Variants in HS3ST4 observed in about 807,000 individuals in gnomAD.
HS3ST4 encodes the protein heparan sulfate-glucosamine 3-sulfotransferase 4, also known as heparan sulfate glucosamine 3-O-sulfotransferase 4.
In HS3ST4, 17 loss-of-function variants were observed where a neutral mutation model predicts 29.2. That is an observed-to-expected ratio of 0.58 (90% confidence interval 0.40 to 0.87). The LOEUF (loss-of-function observed/expected upper bound fraction) is 0.87. Ranked by LOEUF, HS3ST4 falls within the 40% of genes least tolerant of loss-of-function variation. The pLI, the probability that HS3ST4 is intolerant of heterozygous loss-of-function variation, is 0.00. For missense variants in HS3ST4, 627 were observed against 634.5 expected, an observed-to-expected ratio of 0.99 and a Z score of 0.13; for synonymous variants, 314 against 285.7, an observed-to-expected ratio of 1.10 and a Z score of -1.00.
intron 1 of HS3ST4, among the ~76,000 whole-genome samples, chr16:25,781,828 G>A (rs1469051140): frequency 6.6e-6 from 1 of 152,108 alleles, no homozygotes; most frequent in Admixed American, 6.5e-5. Context: ...TTCTCTTTCG[G>A]GTGGTTGTGT....
intron 1 of HS3ST4, among the ~76,000 whole-genome samples, chr16:26,014,608 T>C (rs1969344846): frequency 6.6e-6 from 1 of 152,226 alleles, no homozygotes; most frequent in Non-Finnish European, 1.5e-5. Context: ...CATTTTCTGC[T>C]CCTACTTTAG....
intron 1 of HS3ST4, among the ~76,000 whole-genome samples, chr16:25,741,438 A>G (rs959331141): frequency 6.7e-6 from 1 of 150,244 alleles, no homozygotes. Flanking sequence ...AGGATTATAC[A>G]TAACTGTACA....
At chr16:25,898,038 G>T (rs950099983) in intron 1 of HS3ST4, among the ~76,000 whole-genome samples, 3 of 152,264 alleles carry the variant, frequency 2.0e-5, no homozygotes, top group Middle Eastern at 3.4e-3. Flanking sequence ...ACAGTGAGCC[G>T]CCTGGGACTC....
At chr16:25,885,659 C>G (rs1037169933) in intron 1 of HS3ST4, among the ~76,000 whole-genome samples, 2 of 152,004 alleles carry the variant, frequency 1.3e-5, no homozygotes, top group African/African-American at 4.8e-5. Flanking sequence ...CATATCCAAG[C>G]ACCAGCTGTG....
At chr16:26,115,133 T>C (rs1276680645) in intron 1 of HS3ST4, among the ~76,000 whole-genome samples, 1 of 152,032 alleles carries the variant, frequency 6.6e-6, no homozygotes, top group Non-Finnish European at 1.5e-5. Flanking sequence ...AGTATGATAA[T>C]ATTTGTGTCA....
intron 1 of HS3ST4, among the ~76,000 whole-genome samples, chr16:25,733,843 A>C (rs898709525): frequency 6.6e-6 from 1 of 152,132 alleles, no homozygotes; most frequent in African/African-American, 2.4e-5. Flanking sequence ...TGGGTGCCGG[A>C]CGCAGTGGCT....
intron 1 of HS3ST4, among the ~76,000 whole-genome samples, chr16:26,107,789 C>T (rs943994494): frequency 3.3e-5 from 5 of 152,104 alleles, no homozygotes; most frequent in African/African-American, 4.8e-5. Flanking sequence ...ATTCACTCAT[C>T]GGTTGATAGG....
chr16:25,803,075 CTT>C (rs992769340), intron 1 of HS3ST4, among the ~76,000 whole-genome samples: 2 of 151,092 alleles, frequency 1.3e-5, no homozygotes, highest in African/African-American at 4.9e-5. Context: ...ATGTATTTCT[CTT>C]TTTCTGTCTC....
At chr16:26,092,168 G>C (rs565914317) in intron 1 of HS3ST4, among the ~76,000 whole-genome samples, 3 of 152,168 alleles carry the variant, frequency 2.0e-5, no homozygotes, top group African/African-American at 7.2e-5. Context: ...TCCTCCTGAG[G>C]CACTGTTCAA....
At chr16:26,023,396 T>A (rs1969435349) in intron 1 of HS3ST4, among the ~76,000 whole-genome samples, 1 of 150,136 alleles carries the variant, frequency 6.7e-6, no homozygotes, top group Non-Finnish European at 1.5e-5. Context: ...AACAATTTTT[T>A]ACTGTCTTAA....
intron 1 of HS3ST4, among the ~76,000 whole-genome samples, chr16:25,716,444 G>C (rs565704728): frequency 6.6e-6 from 1 of 152,366 alleles, no homozygotes; most frequent in South Asian, 2.1e-4. Flanking sequence ...CCTCTTTGCT[G>C]TTGGTGAAAG....
chr16:25,924,039 C>G lies in HS3ST4; in HGVS notation c.735-211573C>G, dbSNP rs144646650. Among the ~76,000 whole-genome samples the G allele has an allele frequency of 1.1e-4, 17 of 152,316 alleles. No homozygotes were observed. In the East Asian group the frequency reaches 3.3e-3, roughly 29 times the overall value. Reference sequence around the variant, plus strand: ...TTCAAATGCTTACTTGACATCTTCACTTGGCTATTTTAAATTCACCTTGCA... The same window carrying G: ...TTCAAATGCTTACTTGACATCTTCAGTTGGCTATTTTAAATTCACCTTGCA... On this transcript the variant is annotated intron_variant, in intron 1 of 1. Coordinates refer to ENST00000331351, the MANE Select transcript of HS3ST4 (RefSeq NM_006040.3).
intron 1 of HS3ST4, among the ~76,000 whole-genome samples, chr16:25,848,460 A>ATT (rs11454037): frequency 0.058 from 8,666 of 149,450 alleles, 359 homozygotes; most frequent in East Asian, 0.2. Context: ...CGAAAAAATA[A>ATT]TTTTTTTTTT....
intron 1 of HS3ST4, chr16:25,933,510 G>T (rs1237666969): frequency 1.4e-5 from 6 of 439,046 alleles, no homozygotes; most frequent in Non-Finnish European, 2.7e-5. Flanking sequence ...GCGAGAGTAG[G>T]CCTCTCTTTA....
intron 1 of HS3ST4, among the ~76,000 whole-genome samples, chr16:25,967,445 C>T (rs551994790): frequency 7.2e-5 from 11 of 152,264 alleles, no homozygotes; most frequent in Non-Finnish European, 1.2e-4. Context: ...TGAGCCACCG[C>T]GCCTGGCCTA....
chr16:25,801,173 G>A (rs575125788), intron 1 of HS3ST4, among the ~76,000 whole-genome samples: 4 of 152,010 alleles, frequency 2.6e-5, no homozygotes, highest in East Asian at 1.9e-4. Flanking sequence ...TGTTATATAC[G>A]CACACAGACA....
intron 1 of HS3ST4, among the ~76,000 whole-genome samples, chr16:26,087,454 A>T (rs1290961426): frequency 6.6e-6 from 1 of 152,148 alleles, no homozygotes; most frequent in South Asian, 2.1e-4. Flanking sequence ...GGAACCAAGG[A>T]ACACCTGGCA....
chr16:25,873,475 TATCTCTC>T (rs879308904), intron 1 of HS3ST4, among the ~76,000 whole-genome samples: 8,774 of 38,016 alleles, frequency 0.23, 386 homozygotes, highest in African/African-American at 0.25. Context: ...CCCATCCATC[TATCTCTC>T]TATCTATCTA....
intron 1 of HS3ST4, among the ~76,000 whole-genome samples, chr16:25,983,481 T>C (rs1040689541): frequency 2.0e-5 from 3 of 152,226 alleles, no homozygotes; most frequent in African/African-American, 7.2e-5. Context: ...TCCTCTCTCC[T>C]GTTCTGCTTC....
Sources: gnomAD v4.1 joint callset for allele counts (sites outside exome capture counted in the v4.1 genomes callset) on GRCh38, gnomAD v4.1.1 for gene constraint, MANE v1.5 for transcripts, NCBI Gene and HGNC (gene_info 2026-07-23, HGNC 2026-07-21) for gene names.